The following OR52N5 variants were observed in gnomAD, a reference collection of about 807,000 sequenced individuals.
OR52N5 encodes olfactory receptor 52N5.
A neutral mutation model predicts 14.1 loss-of-function variants in OR52N5; 10 were observed. That is an observed-to-expected ratio of 0.71 (90% confidence interval 0.44 to 1.20). OR52N5 has a LOEUF of 1.20. OR52N5 is among the 50% of genes most tolerant of loss of function. The probability of loss-of-function intolerance (pLI) is 0.00; values close to 1 mark genes in which losing one functional copy is unlikely to be tolerated. For missense variants in OR52N5, 361 were observed against 403.2 expected, an observed-to-expected ratio of 0.90 and a Z score of 0.90; for synonymous variants, 116 against 143.0, an observed-to-expected ratio of 0.81 and a Z score of 1.35.
Position 5,777,548 on chromosome 11 carries a change from G to T in OR52N5, c.*112C>A. Reference sequence around the variant, plus strand: ...AAAACAGTTTCAGAAAACATAGACTGAGAGAGAAAATGTATGATACTACAC... The same window carrying T: ...AAAACAGTTTCAGAAAACATAGACTTAGAGAGAAAATGTATGATACTACAC... On this transcript the variant is annotated 3_prime_UTR_variant, in exon 3 of 3. Coordinates refer to ENST00000641181, the MANE Select transcript of OR52N5 (RefSeq NM_001385662.1). The T allele has an allele frequency of 1.2e-6, 1 of 837,370 alleles. No homozygotes were observed. The highest frequency in any genetic ancestry group is 1.7e-6 in the Non-Finnish European group (1 of 589,546). The allele number at this position is 837,370 out of a possible 1,614,324, so 51.9% of individuals were successfully genotyped here. A position where few individuals can be genotyped will look rare whatever the true frequency, so the allele number is the denominator to read the frequency against.
chr11:5,779,576 T>C (rs1854532673), intron 2 of OR52N5, among the ~76,000 whole-genome samples: 1 of 139,916 alleles, frequency 7.1e-6, no homozygotes, highest in South Asian at 2.3e-4. Flanking sequence ...TCTTATGACC[T>C]CAAGTATAAC....
In OR52N5 at chr11:5,778,280, C is replaced by T. The variant is rs1205903471; in HGVS notation, c.355G>A (p.Val119Met). The T allele has an allele frequency of 6.6e-7, 1 of 1,521,274 alleles. No homozygotes were observed. The highest frequency in any genetic ancestry group is 9.0e-7 in the Non-Finnish European group (1 of 1,114,868). 94.2% of individuals were successfully genotyped at this position (1,521,274 alleles called of 1,614,324 possible). ...ATGAGCATGAGCACCCCAGACTCCACACCTGTGAACCCATGAACAAAGAAC... is the reference window on the plus strand; with the variant it reads ...ATGAGCATGAGCACCCCAGACTCCATACCTGTGAACCCATGAACAAAGAAC... ...QMFFVHGFTG[V>M]ESGVLMLMAL... Residue 119 changes from valine to methionine, a missense_variant, in exon 3 of 3, where the codon GTG (valine) becomes ATG (methionine). Transcript: ENST00000641181.
chr11:5,779,468 T>C (rs1854531440), intron 2 of OR52N5, among the ~76,000 whole-genome samples: 2 of 139,690 alleles, frequency 1.4e-5, no homozygotes, highest in Non-Finnish European at 3.2e-5. Context: ...GTCATTGAGA[T>C]TATCTATTTT....
chr11:5,780,880 A>G (rs1229332546), intron 2 of OR52N5, among the ~76,000 whole-genome samples: 1 of 140,052 alleles, frequency 7.1e-6, no homozygotes, highest in Non-Finnish European at 1.6e-5. Context: ...ATCTCATACC[A>G]CATACAAAAA....
In OR52N5 at chr11:5,780,552, T is replaced by A. The variant is rs369503822; in HGVS notation, c.-24+981A>T. 6.6e-5 allele frequency among the ~76,000 whole-genome samples: 9 copies of A among 137,310 alleles called. No homozygotes were observed. The East Asian group carries it at 8.4e-4, about 13-fold the overall frequency. The allele number at this position is 137,310 out of a possible 152,430, so 90.1% of individuals were successfully genotyped here. A position where few individuals can be genotyped will look rare whatever the true frequency, so the allele number is the denominator to read the frequency against. On this transcript the variant is annotated intron_variant, in intron 2 of 2. Coordinates refer to ENST00000641181, the MANE Select transcript of OR52N5 (RefSeq NM_001385662.1). ...ACTGAGGGGGGAAAAAAGAGAAAAC[T>A]CAAATAAATAAAATGAAAATGAAAA...
intron 1 of OR52N5, among the ~76,000 whole-genome samples, chr11:5,782,369 CA>C (rs1380387961): frequency 5.1e-5 from 7 of 138,398 alleles, no homozygotes; most frequent in African/African-American, 7.9e-5. Flanking sequence ...CACGACTAGA[CA>C]AAAAAAAGTA....
rs77558650 is a variant in OR52N5, at chr11:5,781,196, T to G, written c.-24+337A>C. ...CATGTAGTAGTTCAGTGATTTATTT[T>G]CTCATTTGTTTGATTTTGTATTTGT... On this transcript the variant is annotated intron_variant, in intron 2 of 2. Coordinates refer to ENST00000641181, the MANE Select transcript of OR52N5 (RefSeq NM_001385662.1). Among the ~76,000 whole-genome samples the G allele has an allele frequency of 7.1e-5, 10 of 140,384 alleles. 3 individuals carry two copies. The highest frequency in any genetic ancestry group is 2.6e-4 in the African/African-American group (10 of 38,438). 92.1% of individuals were successfully genotyped at this position (140,384 alleles called of 152,430 possible).
Position 5,778,321 on chromosome 11 carries a change from G to C in OR52N5, c.314C>G (p.Ala105Gly), listed in dbSNP as rs1301804963. The C allele has an allele frequency of 4.6e-6, 7 of 1,520,352 alleles. 2 individuals carry two copies. In the African/African-American group the frequency reaches 7.1e-5, roughly 16 times the overall value. The allele number at this position is 1,520,352 out of a possible 1,614,324, so 94.2% of individuals were successfully genotyped here. A position where few individuals can be genotyped will look rare whatever the true frequency, so the allele number is the denominator to read the frequency against. Residue 105 changes from alanine (A) to glycine (G), a missense_variant, in exon 3 of 3, where the codon GCT becomes GGT. Coordinates refer to ENST00000641181, the MANE Select transcript of OR52N5 (RefSeq NM_001385662.1). ...WFSLKEINFN[A>G]CLAQMFFVHG... ...AACAAAGAACATCTGGGCCAAGCAA[G>C]CATTGAAGTTAATTTCTTTGAGACT...
At position 5,776,691 on chromosome 11, in the gene OR52N5, T is replaced by C. The variant is rs1323680261; in HGVS notation, c.*969A>G. On this transcript the variant is annotated 3_prime_UTR_variant, in exon 3 of 3. Coordinates refer to ENST00000641181, the MANE Select transcript of OR52N5 (RefSeq NM_001385662.1). ...TGTGGCTGGCTTATTTCATTTAACA[T>C]GCTAATTTCCAGCTTCATCCATGAT... 5 of 140,350 alleles carry C rather than the reference T, an allele frequency of 3.6e-5. 1 individual carries two copies. The highest frequency in any genetic ancestry group is 1.5e-4 in the Admixed American group (2 of 13,654). 8.7% of individuals were successfully genotyped at this position (140,350 alleles called of 1,614,324 possible). A position where few individuals can be genotyped will look rare whatever the true frequency, so the allele number is the denominator to read the frequency against.
Position 5,778,290 on chromosome 11 carries a change from C to A in OR52N5, c.345G>T (p.Gly115=), listed in dbSNP as rs752356345. Residue 115 remains glycine (G), a synonymous_variant, in exon 3 of 3, where the codon GGG becomes GGT. Coordinates refer to ENST00000641181, the MANE Select transcript of OR52N5 (RefSeq NM_001385662.1). The part of the protein sequence containing the change: ...ACLAQMFFVH[G]FTGVESGVLM... ...GCACCCCAGACTCCACACCTGTGAACCCATGAACAAAGAACATCTGGGCCA... is the reference window on the plus strand; with the variant it reads ...GCACCCCAGACTCCACACCTGTGAAACCATGAACAAAGAACATCTGGGCCA... The A allele has an allele frequency of 3.4e-5, 51 of 1,520,854 alleles. 6 individuals carry two copies. In the South Asian group the frequency reaches 4.8e-4, roughly 14 times the overall value. The allele number at this position is 1,520,854 out of a possible 1,614,324, so 94.2% of individuals were successfully genotyped here.
Position 5,778,269 on chromosome 11 carries a change from CCCAGA to C in OR52N5, c.361_365del (p.Ser121GlyfsTer32), listed in dbSNP as rs746170916. On this transcript the variant is annotated frameshift_variant, in exon 3 of 3. Transcript: ENST00000641181. LOFTEE classifies it high-confidence loss of function. ...GGTCTAGAGCCATGAGCATGAGCAC[CCCAGA>C]CTCCACACCTGTGAACCCATGAACA... 6.6e-7 allele frequency: 1 copy of C among 1,520,788 alleles called. No individual in the cohort carries two copies. The highest frequency in any genetic ancestry group is 1.4e-5 in the African/African-American group (1 of 69,872). The allele number at this position is 1,520,788 out of a possible 1,614,324, so 94.2% of individuals were successfully genotyped here. A position where few individuals can be genotyped will look rare whatever the true frequency, so the allele number is the denominator to read the frequency against.
chr11:5,782,345 C>T lies in OR52N5; in HGVS notation c.-247-589G>A, dbSNP rs1373311152. Among the ~76,000 whole-genome samples the T allele has an allele frequency of 2.1e-5, 3 of 139,626 alleles. 1 individual carries two copies. The highest frequency in any genetic ancestry group is 5.2e-5 in the African/African-American group (2 of 38,108). 91.6% of individuals were successfully genotyped at this position (139,626 alleles called of 152,430 possible). A position where few individuals can be genotyped will look rare whatever the true frequency, so the allele number is the denominator to read the frequency against. ...TAAATAGCAGATTTGCATATCAACT[C>T]CAATATTTATCCACACGACTAGACA... is the stretch of plus-strand genomic sequence containing the variant. On this transcript the variant is annotated intron_variant, in intron 1 of 2. Coordinates refer to ENST00000641181, the MANE Select transcript of OR52N5 (RefSeq NM_001385662.1).
chr11:5,777,884 T>C lies in OR52N5; in HGVS notation c.751A>G (p.Thr251Ala). Residue 251 changes from threonine (T) to alanine (A), a missense_variant, in exon 3 of 3, where the codon ACT becomes GCT. Coordinates refer to ENST00000641181, the MANE Select transcript of OR52N5 (RefSeq NM_001385662.1). ...DARQKAFSTC[T>A]AHISAIIITY... The stretch of plus-strand genomic sequence containing the variant: ...ATGATGATGGCAGATATATGGGCAG[T>C]GCAGGTGCTGAAAGCCTTCTGCCGA... 1.3e-6 allele frequency: 2 copies of C among 1,520,554 alleles called. No homozygotes were observed. The highest frequency in any genetic ancestry group is 1.8e-6 in the Non-Finnish European group (2 of 1,114,000). The allele number at this position is 1,520,554 out of a possible 1,614,324, so 94.2% of individuals were successfully genotyped here. A position where few individuals can be genotyped will look rare whatever the true frequency, so the allele number is the denominator to read the frequency against.
chr11:5,780,955 G>C lies in OR52N5; in HGVS notation c.-24+578C>G, dbSNP rs1052601767. The stretch of plus-strand genomic sequence containing the variant: ...TATCTTAGTAACACTGAGATAGGAT[G>C]TTACTTTCTTTGAAGAAGACTGTGG... On this transcript the variant is annotated intron_variant, in intron 2 of 2. Coordinates refer to ENST00000641181, the MANE Select transcript of OR52N5 (RefSeq NM_001385662.1). Among the ~76,000 whole-genome samples, 3 of 140,320 alleles carry C rather than the reference G, an allele frequency of 2.1e-5. 1 individual carries two copies. The highest frequency in any genetic ancestry group is 4.7e-5 in the Non-Finnish European group (3 of 63,344). The allele number at this position is 140,320 out of a possible 152,430, so 92.1% of individuals were successfully genotyped here.
At position 5,782,376 on chromosome 11, in the gene OR52N5, A is replaced by C. The variant is rs1247766164; in HGVS notation, c.-247-620T>G. 2.1e-5 allele frequency among the ~76,000 whole-genome samples: 3 copies of C among 140,042 alleles called. 1 individual carries two copies. The highest frequency in any genetic ancestry group is 7.8e-5 in the African/African-American group (3 of 38,246). 91.9% of individuals were successfully genotyped at this position (140,042 alleles called of 152,430 possible). ...TTTATCCACACGACTAGACAAAAAA[A>C]AGTAATAGTAGTACTATTTGATTGT... On this transcript the variant is annotated intron_variant, in intron 1 of 2. Transcript: ENST00000641181.
At chr11:5,782,108 C>G (rs1342335195) in intron 1 of OR52N5, among the ~76,000 whole-genome samples, 1 of 139,984 alleles carries the variant, frequency 7.1e-6, no homozygotes, top group African/African-American at 2.6e-5. Context: ...CCAGAAATGT[C>G]AAATCAACCT....
rs1854497870 is a variant in OR52N5, at chr11:5,776,887, G to T, written c.*773C>A. 1 of 138,944 alleles carries T rather than the reference G, an allele frequency of 7.2e-6. No homozygotes were observed. The highest frequency in any genetic ancestry group is 2.6e-5 in the African/African-American group (1 of 37,878). The allele number at this position is 138,944 out of a possible 1,614,324, so 8.6% of individuals were successfully genotyped here. A position where few individuals can be genotyped will look rare whatever the true frequency, so the allele number is the denominator to read the frequency against. On this transcript the variant is annotated 3_prime_UTR_variant, in exon 3 of 3. Coordinates refer to ENST00000641181, the MANE Select transcript of OR52N5 (RefSeq NM_001385662.1). ...TTCAACATATTGTTTTTCTTTTTTT[G>T]GATATATATTGTTGTTCTCATTTAT...
chr11:5,779,464 G>C lies in OR52N5; in HGVS notation c.-23-807C>G, dbSNP rs539257718. ...TACCCTATAATCCTTCAATGTCATTGAGATTATCTATTTTCTTTCCATATC... is the reference window on the plus strand; with the variant it reads ...TACCCTATAATCCTTCAATGTCATTCAGATTATCTATTTTCTTTCCATATC... On this transcript the variant is annotated intron_variant, in intron 2 of 2. Transcript: ENST00000641181. Among the ~76,000 whole-genome samples, 32 of 139,518 alleles carry C rather than the reference G, an allele frequency of 2.3e-4. 2 individuals are homozygous for C. The highest frequency in any genetic ancestry group is 3.2e-4 in the Non-Finnish European group (20 of 63,044). 91.5% of individuals were successfully genotyped at this position (139,518 alleles called of 152,430 possible). A position where few individuals can be genotyped will look rare whatever the true frequency, so the allele number is the denominator to read the frequency against.
At position 5,777,578 on chromosome 11, in the gene OR52N5, A is replaced by G. The variant is rs1485645469; in HGVS notation, c.*82T>C. 1.8e-6 allele frequency: 2 copies of G among 1,082,676 alleles called. 1 individual carries two copies. Among genetic ancestry groups the G allele is most frequent in the African/African-American group, 3.3e-5 (2 of 60,468 alleles). The allele number at this position is 1,082,676 out of a possible 1,614,324, so 67.1% of individuals were successfully genotyped here. On this transcript the variant is annotated 3_prime_UTR_variant, in exon 3 of 3. Coordinates refer to ENST00000641181, the MANE Select transcript of OR52N5 (RefSeq NM_001385662.1). ...AGAAAATGTATGATACTACACATGA[A>G]TAAATGTAAAATATCACACGTAAGT...
Sources: gnomAD v4.1 joint callset for allele counts (sites outside exome capture counted in the v4.1 genomes callset) on GRCh38, gnomAD v4.1.1 for gene constraint, MANE v1.5 for transcripts, NCBI Gene and HGNC (gene_info 2026-07-23, HGNC 2026-07-21) for gene names.